Variants in ANKRD16 observed in about 807,000 individuals in gnomAD.
ANKRD16 encodes the protein ankyrin repeat domain-containing protein 16.
ANKRD16 carries 35 observed loss-of-function variants against 37.9 expected under a neutral mutation model. The observed-to-expected ratio is 0.92, with a 90% confidence interval of 0.71 to 1.23. The LOEUF (loss-of-function observed/expected upper bound fraction) is 1.23, where lower values mean the gene tolerates loss of function less well. Ranked by LOEUF, ANKRD16 falls within the 50% of genes most tolerant of loss-of-function variation. The pLI, the probability that ANKRD16 is intolerant of heterozygous loss-of-function variation, is 0.00. For synonymous variants in ANKRD16, 206 were observed against 197.2 expected (o/e 1.04, Z -0.37); for missense variants, 480 against 469.9 (o/e 1.02, Z -0.20).
rs567975932 is a variant in ANKRD16, at chr10:5,880,280, T to G, written c.928+18A>C. ...TCAGTTTACTAATTTCCAAGGCATA[T>G]ATAAAATTAAACGGTACCTGATCGA... is the stretch of plus-strand genomic sequence containing the variant. On this transcript the variant is annotated intron_variant, in intron 6 of 7. Coordinates refer to ENST00000380094, the MANE Select transcript of ANKRD16 (RefSeq NM_019046.3). 6 of 1,470,756 alleles carry G rather than the reference T, an allele frequency of 4.1e-6. No homozygotes were observed. The Admixed American group carries it at 1.1e-4, about 28-fold the overall frequency. The allele number at this position is 1,470,756 out of a possible 1,614,324, so 91.1% of individuals were successfully genotyped here.
At chr10:5,882,173 G>T (rs1485658750) in intron 5 of ANKRD16, among the ~76,000 whole-genome samples, 1 of 152,196 alleles carries the variant, frequency 6.6e-6, no homozygotes, top group Non-Finnish European at 1.5e-5. Flanking sequence ...GGAGCACCCT[G>T]CGGCCACAGA....
At position 5,874,156 on chromosome 10, in the gene ANKRD16, T is replaced by C. The variant is rs1374490887; in HGVS notation, c.*33+3941A>G. Among the ~76,000 whole-genome samples the C allele has an allele frequency of 6.6e-6, 1 of 152,242 alleles. No individual in the cohort carries two copies. The highest frequency in any genetic ancestry group is 1.5e-5 in the Non-Finnish European group (1 of 68,044). ...TGCCTGCCTCAGCCTCCCATAATAC[T>C]GGGACTACAGGTGTAAGCCATCGTG... On this transcript the variant is annotated intron_variant, in intron 7 of 7. Transcript: ENST00000380094. The surrounding 1 kb of genome is among the most constrained non-coding windows in gnomAD (Gnocchi z 4.7).
rs1842554782 is a variant in ANKRD16 at position 5,889,459 on chromosome 10, C to A, written c.-105G>T. On this transcript the variant is annotated 5_prime_UTR_variant, in exon 1 of 8. Coordinates refer to ENST00000380094, the MANE Select transcript of ANKRD16 (RefSeq NM_019046.3). Reference sequence around the variant, plus strand: ...TGGGACTTTCCGCCTCTTCACGCAACCTGCCCCGCGCGCCCCGAACCCGGC... The same window carrying A: ...TGGGACTTTCCGCCTCTTCACGCAAACTGCCCCGCGCGCCCCGAACCCGGC... The A allele has an allele frequency of 1.2e-6, 1 of 848,776 alleles. No individual in the cohort carries two copies. The highest frequency in any genetic ancestry group is 1.5e-6 in the Non-Finnish European group (1 of 669,078). The allele number at this position is 848,776 out of a possible 1,614,324, so 52.6% of individuals were successfully genotyped here.
At chr10:5,883,553 C>T (rs1404759422) in intron 4 of ANKRD16, among the ~76,000 whole-genome samples, 10 of 152,180 alleles carry the variant, frequency 6.6e-5, no homozygotes, top group African/African-American at 2.2e-4. Flanking sequence ...CTTTGGCCTC[C>T]CAAAGTGCTG....
rs1403502294 is a variant in ANKRD16, at chr10:5,871,124, C to T, written c.*33+6973G>A. On this transcript the variant is annotated intron_variant, in intron 7 of 7. Transcript: ENST00000380094. The surrounding 1 kb of genome is among the most constrained non-coding windows in gnomAD (Gnocchi z 4.5). ...TCACGCAGCCAGGCTTGGTGGTTCA[C>T]GCCTGTAATCCCAGCACTTTGGGAG... Among the ~76,000 whole-genome samples the T allele has an allele frequency of 1.3e-5, 2 of 152,166 alleles. No individual in the cohort carries two copies. The highest frequency in any genetic ancestry group is 3.8e-4 in the East Asian group (2 of 5,198).
rs1369540386 is a variant in ANKRD16, at chr10:5,869,762, G to C, written c.*34-7071C>G. Reference sequence around the variant, plus strand: ...TGGGAACTAGCTGGAAGCAGCTGGGGGTTGCTGGGGGGAGGGGTGGGTGGG... The same window carrying C: ...TGGGAACTAGCTGGAAGCAGCTGGGCGTTGCTGGGGGGAGGGGTGGGTGGG... On this transcript the variant is annotated intron_variant, in intron 7 of 7. Transcript: ENST00000380094. The surrounding 1 kb of genome is among the most constrained non-coding windows in gnomAD (Gnocchi z 4.0). Among the ~76,000 whole-genome samples the C allele has an allele frequency of 8.3e-6, 1 of 120,734 alleles. No homozygotes were observed. Among genetic ancestry groups the C allele is most frequent in the Non-Finnish European group, 1.7e-5 (1 of 57,800 alleles). 79.2% of individuals were successfully genotyped at this position (120,734 alleles called of 152,430 possible). A position where few individuals can be genotyped will look rare whatever the true frequency, so the allele number is the denominator to read the frequency against.
intron 1 of ANKRD16, 133 bp downstream of exon 1, chr10:5,888,908 C>T: frequency 1.0e-6 from 1 of 996,042 alleles, no homozygotes; most frequent in Non-Finnish European, 1.4e-6. Context: ...AGGTCCCTGC[C>T]GCTGAGCAGG....
At chr10:5,882,118 A>G (rs1455699088) in intron 5 of ANKRD16, among the ~76,000 whole-genome samples, 4 of 152,184 alleles carry the variant, frequency 2.6e-5, no homozygotes, top group Non-Finnish European at 5.9e-5. Context: ...GTCTGCTACT[A>G]TGTGATGAGA....
chr10:5,888,371 C>A (rs548886385), intron 1 of ANKRD16, among the ~76,000 whole-genome samples: 1 of 152,340 alleles, frequency 6.6e-6, no homozygotes, highest in Admixed American at 6.5e-5. Flanking sequence ...TAAGAAAACC[C>A]ACAGACAACC....
chr10:5,865,960 C>G lies in ANKRD16; in HGVS notation c.*34-3269G>C, dbSNP rs1842008035. Among the ~76,000 whole-genome samples, 1 of 152,166 alleles carries G rather than the reference C, an allele frequency of 6.6e-6. No individual in the cohort carries two copies. Among genetic ancestry groups the G allele is most frequent in the African/African-American group, 2.4e-5 (1 of 41,446 alleles). ...GACAACCCCACAACCAGTGGCATAC[C>G]TAAGTAAGGAAACTGATATAGTAGC... On this transcript the variant is annotated intron_variant, in intron 7 of 7. Transcript: ENST00000380094. This position sits in a 1 kb window ranked among gnomAD's most constrained non-coding sequence, Gnocchi z 4.7.
At chr10:5,885,218 T>C (rs964562290) in intron 3 of ANKRD16, among the ~76,000 whole-genome samples, 1 of 152,154 alleles carries the variant, frequency 6.6e-6, no homozygotes, top group African/African-American at 2.4e-5. Context: ...TCTTGCTCTG[T>C]TGCCAAGGCT....
rs1842548129 is a variant in ANKRD16 at position 5,889,340 on chromosome 10, CCCGGGCTGGGCCATCGCCGCGGGTCGGG to C, written c.-14_14del. ...CCAGCCTGCAGAGGCGCCGCGGGTCCCCGGGCTGGGCCATCGCCGCGGGTCGGGCCGGGCTGCGCGGGGAGGCGGCGGG... is the reference window on the plus strand; with the variant it reads ...CCAGCCTGCAGAGGCGCCGCGGGTCCCCGGGCTGCGCGGGGAGGCGGCGGG... On this transcript the variant is annotated start_lost and 5_prime_UTR_variant, in exon 1 of 8. Coordinates refer to ENST00000380094, the MANE Select transcript of ANKRD16 (RefSeq NM_019046.3). 1 of 1,249,554 alleles carries C rather than the reference CCCGGGCTGGGCCATCGCCGCGGGTCGGG, an allele frequency of 8.0e-7. No homozygotes were observed. Among genetic ancestry groups the C allele is most frequent in the Admixed American group, 4.3e-5 (1 of 23,528 alleles). 77.4% of individuals were successfully genotyped at this position (1,249,554 alleles called of 1,614,324 possible).
In ANKRD16 at chr10:5,878,595, T is replaced by C. The variant is rs1842223858; in HGVS notation, c.929-308A>G. Among the ~76,000 whole-genome samples, 3 of 151,310 alleles carry C rather than the reference T, an allele frequency of 2.0e-5. No homozygotes were observed. The South Asian group carries it at 6.2e-4, about 31-fold the overall frequency. ...TAGGCAGATCATGAGGTCAAGAGTG[T>C]GAGACTAGCCTGACCAACATGGTGA... On this transcript the variant is annotated intron_variant, in intron 6 of 7. Coordinates refer to ENST00000380094, the MANE Select transcript of ANKRD16 (RefSeq NM_019046.3). This position sits in a 1 kb window ranked among gnomAD's most constrained non-coding sequence, Gnocchi z 5.1.
At position 5,864,198 on chromosome 10, in the gene ANKRD16, C is replaced by T. The variant is rs142157091; in HGVS notation, c.*34-1507G>A. ...ATCCACAACTATGCAAAGCTTACAACTTACATCCCACAGGAGGACTTCTCA... is the reference window on the plus strand; with the variant it reads ...ATCCACAACTATGCAAAGCTTACAATTTACATCCCACAGGAGGACTTCTCA... On this transcript the variant is annotated intron_variant, in intron 7 of 7. Transcript: ENST00000380094. The surrounding 1 kb of genome is among the most constrained non-coding windows in gnomAD (Gnocchi z 4.4). Among the ~76,000 whole-genome samples, 3,992 of 152,190 alleles carry T rather than the reference C, an allele frequency of 0.026. 177 individuals are homozygous for T. Among genetic ancestry groups the T allele is most frequent in the African/African-American group, 0.09 (3,745 of 41,442 alleles).
Position 5,862,414 on chromosome 10 carries a change from G to T in ANKRD16, c.*311C>A. The T allele has an allele frequency of 2.3e-6, 1 of 429,732 alleles. No individual in the cohort carries two copies. Among genetic ancestry groups the T allele is most frequent in the South Asian group, 1.7e-5 (1 of 58,620 alleles). The allele number at this position is 429,732 out of a possible 1,614,324, so 26.6% of individuals were successfully genotyped here. ...CAATCTGGGCCTGTCTGCTGTGGCT[G>T]GTCAGTTTCACTATCATCCTCAGAC... On this transcript the variant is annotated 3_prime_UTR_variant, in exon 8 of 8. Transcript: ENST00000380094. This position sits in a 1 kb window ranked among gnomAD's most constrained non-coding sequence, Gnocchi z 6.5.
Position 5,864,870 on chromosome 10 carries a change from C to T in ANKRD16, c.*34-2179G>A, listed in dbSNP as rs778568457. 4.6e-5 allele frequency among the ~76,000 whole-genome samples: 7 copies of T among 152,138 alleles called. No homozygotes were observed. Among genetic ancestry groups the T allele is most frequent in the East Asian group, 1.9e-4 (1 of 5,196 alleles). On this transcript the variant is annotated intron_variant, in intron 7 of 7. Coordinates refer to ENST00000380094, the MANE Select transcript of ANKRD16 (RefSeq NM_019046.3). This position sits in a 1 kb window ranked among gnomAD's most constrained non-coding sequence, Gnocchi z 4.4. ...AGAAAATCCTTCTGCCTTCCTCGAG[C>T]GGCTACGGGAGGCCTTAAGAAAATA...
At chr10:5,887,798 G>A in intron 2 of ANKRD16, 49 bp downstream of exon 2, 2 of 1,559,866 alleles carry the variant, frequency 1.3e-6, no homozygotes, top group Non-Finnish European at 8.7e-7. Context: ...AGTGCTGGGT[G>A]AAGCAGCCAC....
At position 5,870,688 on chromosome 10, in the gene ANKRD16, GC is replaced by G. The variant is rs1292328837; in HGVS notation, c.*33+7408del. 2.0e-5 allele frequency among the ~76,000 whole-genome samples: 3 copies of G among 152,114 alleles called. No individual in the cohort carries two copies. Among genetic ancestry groups the G allele is most frequent in the Non-Finnish European group, 4.4e-5 (3 of 68,026 alleles). On this transcript the variant is annotated intron_variant, in intron 7 of 7. Transcript: ENST00000380094. The surrounding 1 kb of genome is among the most constrained non-coding windows in gnomAD (Gnocchi z 5.0). ...GGCGTGAGCCACGTGCCTGGCCATTGCTATTTTTAAAATGTTGTTTCAATTA... is the reference window on the plus strand; with the variant it reads ...GGCGTGAGCCACGTGCCTGGCCATTGTATTTTTAAAATGTTGTTTCAATTA...
chr10:5,881,459 T>TATAC (rs1842312972), intron 5 of ANKRD16, among the ~76,000 whole-genome samples: 2 of 127,898 alleles, frequency 1.6e-5, no homozygotes, highest in African/African-American at 5.9e-5. Context: ...TATATATATA[T>TATAC]ATATATATAT....
Sources: gnomAD v4.1 joint callset for allele counts (sites outside exome capture counted in the v4.1 genomes callset) on GRCh38, gnomAD v4.1.1 for gene constraint, Gnocchi (gnomAD v3.1) non-coding constraint, MANE v1.5 for transcripts, NCBI Gene and HGNC (gene_info 2026-07-23, HGNC 2026-07-21) for gene names.